The following ANKRD10 variants were observed in gnomAD, a reference collection of about 807,000 sequenced individuals.
ANKRD10 encodes ankyrin repeat domain-containing protein 10.
Under a neutral mutation model 27.0 loss-of-function variants are expected in ANKRD10, and 14 were observed. That is an observed-to-expected ratio of 0.52 (90% confidence interval 0.34 to 0.81). The LOEUF (loss-of-function observed/expected upper bound fraction) is 0.81, where lower values mean the gene tolerates loss of function less well. ANKRD10 is among the 40% of genes least tolerant of loss of function. ANKRD10 has a pLI of 0.01. For synonymous variants in ANKRD10, 250 were observed against 224.5 expected (o/e 1.11, Z -1.01); for missense variants, 493 against 544.0 (o/e 0.91, Z 0.93).
chr13:110,899,343 A>C (rs2065319612), intron 3 of ANKRD10, among the ~76,000 whole-genome samples: 1 of 152,248 alleles, frequency 6.6e-6, no homozygotes, highest in African/African-American at 2.4e-5. Flanking sequence ...TTTTGAACTT[A>C]GCATCCCCAG....
Position 110,907,810 on chromosome 13 carries a change from A to T in ANKRD10, c.364-1686T>A, listed in dbSNP as rs879429695. 9.9e-5 allele frequency among the ~76,000 whole-genome samples: 15 copies of T among 152,206 alleles called. 1 individual carries two copies. The highest frequency in any genetic ancestry group is 5.9e-4 in the Admixed American group (9 of 15,284). ...CAAAATAAAGACAAATAAAAATTAC[A>T]TAAAAACATTCCCAGGAAAACTGGA... On this transcript the variant is annotated intron_variant, in intron 2 of 5. Transcript: ENST00000267339.
intron 4 of ANKRD10, among the ~76,000 whole-genome samples, chr13:110,888,391 G>A (rs1227443937): frequency 6.6e-6 from 1 of 151,928 alleles, no homozygotes; most frequent in East Asian, 1.9e-4. Context: ...CATCTTCAGG[G>A]ATCAAGAAAA....
intron 2 of ANKRD10, among the ~76,000 whole-genome samples, chr13:110,909,905 T>C (rs1232641196): frequency 6.6e-6 from 1 of 152,192 alleles, no homozygotes; most frequent in African/African-American, 2.4e-5. Context: ...GCCCAGGTCT[T>C]AAGAGATGAA....
At chr13:110,891,847 A>G (rs1227464293) in intron 4 of ANKRD10, among the ~76,000 whole-genome samples, 3 of 147,980 alleles carry the variant, frequency 2.0e-5, no homozygotes, top group Non-Finnish European at 4.5e-5. Flanking sequence ...CTGCCAAGCT[A>G]TCACATTTAC....
intron 4 of ANKRD10, among the ~76,000 whole-genome samples, chr13:110,891,659 C>A (rs895700068): frequency 2.0e-5 from 3 of 152,086 alleles, no homozygotes; most frequent in Non-Finnish European, 4.4e-5. Context: ...TAACCAAAAT[C>A]TCTAGATTTT....
In ANKRD10 at chr13:110,880,014, C is replaced by G. The variant is rs777839770; in HGVS notation, c.886G>C (p.Glu296Gln). The change falls in exon 6 of 6, where the codon GAA (glutamate) becomes CAA (glutamine). Residue 296 changes from glutamate (E) to glutamine (Q), a missense_variant. Transcript: ENST00000267339. ...GTCAAGCACTGGCCATTCCTGCTTT[C>G]CATCCCACTGAGCGGGGTCGTGGAG... ...FPSTTPLSGM[E>Q]SRNGQCLTGT... The G allele has an allele frequency of 3.7e-6, 6 of 1,614,236 alleles. No individual in the cohort carries two copies. The highest frequency in any genetic ancestry group is 5.1e-6 in the Non-Finnish European group (6 of 1,180,044).
chr13:110,891,569 TCAA>T (rs1397192395), intron 4 of ANKRD10, among the ~76,000 whole-genome samples: 15 of 152,202 alleles, frequency 9.9e-5, no homozygotes, highest in African/African-American at 3.4e-4. Flanking sequence ...TGACATTTTA[TCAA>T]CTTTATAGGG....
intron 3 of ANKRD10, chr13:110,894,313 G>A: frequency 4.2e-6 from 2 of 478,934 alleles, no homozygotes; most frequent in Non-Finnish European, 7.5e-6. Flanking sequence ...TACATCCACA[G>A]CAAAAGCATG....
intron 4 of ANKRD10, 179 bp downstream of exon 4, chr13:110,892,849 T>A: frequency 7.2e-7 from 1 of 1,382,220 alleles, no homozygotes; most frequent in Non-Finnish European, 9.4e-7. Flanking sequence ...TCCCTTTTGT[T>A]AAGTCCCATC....
chr13:110,885,365 A>G (rs1334427740), intron 4 of ANKRD10, among the ~76,000 whole-genome samples: 1 of 152,128 alleles, frequency 6.6e-6, no homozygotes, highest in Admixed American at 6.5e-5. Flanking sequence ...GTCCTGGCCA[A>G]CATGCTGAAT....
chr13:110,912,725 TCTAAGAA>T (rs1452610411), intron 1 of ANKRD10, among the ~76,000 whole-genome samples: 2 of 152,224 alleles, frequency 1.3e-5, no homozygotes, highest in African/African-American at 4.8e-5. Flanking sequence ...CTAGCACATT[TCTAAGAA>T]CACGAGCCTG....
rs2065123977 is a variant in ANKRD10, at chr13:110,892,996, G to A, written c.691+32C>T. 6 of 1,606,694 alleles carry A rather than the reference G, an allele frequency of 3.7e-6. No individual in the cohort carries two copies. In the South Asian group the frequency reaches 6.7e-5, roughly 18 times the overall value. ...AACATATTACAGAAAGGAAAAATAA[G>A]TGTGCTCTTCCCACCCGCAAAGCGG... On this transcript the variant is annotated intron_variant, in intron 4 of 5. Coordinates refer to ENST00000267339, the MANE Select transcript of ANKRD10 (RefSeq NM_017664.4).
Position 110,883,765 on chromosome 13 carries a change from G to C in ANKRD10, c.720C>G (p.Leu240=), listed in dbSNP as rs963291339. Residue 240 remains leucine (L), a synonymous_variant, in exon 5 of 6, where the codon CTC becomes CTG. Coordinates refer to ENST00000267339, the MANE Select transcript of ANKRD10 (RefSeq NM_017664.4). ...EAQSLDSAVP[L]TNGDTEDDAD... ...CATCGTCTTCTGTGTCGCCATTCGT[G>C]AGTGGCACGGCAGAATCCAAGCTTT... 2.5e-6 allele frequency: 4 copies of C among 1,614,038 alleles called. No individual in the cohort carries two copies. Among genetic ancestry groups the C allele is most frequent in the Non-Finnish European group, 2.5e-6 (3 of 1,180,026 alleles).
intron 4 of ANKRD10, among the ~76,000 whole-genome samples, chr13:110,891,276 A>T (rs2065066136): frequency 6.6e-6 from 1 of 152,314 alleles, no homozygotes; most frequent in East Asian, 1.9e-4. Flanking sequence ...GGATTTTTTT[A>T]AAAAGTGGAT....
chr13:110,885,292 C>T (rs1337701525), intron 4 of ANKRD10, among the ~76,000 whole-genome samples: 3 of 151,962 alleles, frequency 2.0e-5, no homozygotes, highest in African/African-American at 7.2e-5. Context: ...GTGGCTCATG[C>T]CTGTAATCCC....
intron 4 of ANKRD10, among the ~76,000 whole-genome samples, chr13:110,890,842 G>C (rs906649131): frequency 2.6e-5 from 4 of 152,120 alleles, no homozygotes; most frequent in African/African-American, 9.7e-5. Context: ...CTAATCACTG[G>C]TCAACCAAAA....
chr13:110,882,021 T>C (rs1436239391), intron 5 of ANKRD10, among the ~76,000 whole-genome samples: 1 of 151,998 alleles, frequency 6.6e-6, no homozygotes, highest in Non-Finnish European at 1.5e-5. Flanking sequence ...CCCACGAACA[T>C]CCAAACACAA....
intron 2 of ANKRD10, 94 bp from the exon 3 acceptor site, chr13:110,906,218 A>C: frequency 8.4e-6 from 8 of 956,578 alleles, no homozygotes; most frequent in Non-Finnish European, 1.2e-5. Context: ...AGACCTTCTC[A>C]TCCTTTTTTG....
intron 4 of ANKRD10, among the ~76,000 whole-genome samples, chr13:110,889,077 G>A (rs1241009529): frequency 6.6e-6 from 1 of 151,500 alleles, no homozygotes; most frequent in African/African-American, 2.4e-5. Flanking sequence ...GAAGGGACTG[G>A]CATTCTTTTC....
Sources: allele counts gnomAD v4.1 joint callset (sites outside exome capture counted in the v4.1 genomes callset), GRCh38; gene constraint gnomAD v4.1.1; transcripts MANE v1.5; gene names NCBI Gene and HGNC (gene_info 2026-07-23, HGNC 2026-07-21).